ARFIP1: variants seen among roughly 807,000 people sequenced by gnomAD.
ARFIP1 encodes the protein arfaptin-1.
In ARFIP1, 24 loss-of-function variants were observed where a neutral mutation model predicts 42.5. The ratio of observed to expected loss-of-function variants is 0.57; its 90% CI spans 0.41 to 0.80. The LOEUF (loss-of-function observed/expected upper bound fraction) is 0.80. Among genes scored for constraint, ARFIP1 ranks in the 30% least tolerant of loss-of-function variants. The pLI is 0.00. For missense variants in ARFIP1, 354 were observed against 434.0 expected (o/e 0.82, Z 1.64); for synonymous variants, 141 against 153.7 (o/e 0.92, Z 0.61).
chr4:152,863,924 A>G (rs1257726455), intron 3 of ARFIP1, among the ~76,000 whole-genome samples: 1 of 152,236 alleles, frequency 6.6e-6, no homozygotes, highest in Non-Finnish European at 1.5e-5. Flanking sequence ...ACATGATATC[A>G]CTGGTTATTA....
At chr4:152,876,817 G>A (rs113764936) in intron 5 of ARFIP1, among the ~76,000 whole-genome samples, 110 of 152,312 alleles carry the variant, frequency 7.2e-4, no homozygotes, top group African/African-American at 2.3e-3. Flanking sequence ...TGTCCTAGCC[G>A]CTCCAGCCAT....
At chr4:152,823,313 C>G (rs2149840987) in intron 1 of ARFIP1, among the ~76,000 whole-genome samples, 1 of 132,364 alleles carries the variant, frequency 7.6e-6, no homozygotes, top group East Asian at 2.4e-4. Flanking sequence ...AGATACATTC[C>G]TGGAATCATA....
chr4:152,793,343 A>T (rs1267707115), intron 1 of ARFIP1, among the ~76,000 whole-genome samples: 1 of 146,338 alleles, frequency 6.8e-6, no homozygotes, highest in African/African-American at 2.5e-5. Context: ...TATATATATA[A>T]TATATATATA....
intron 1 of ARFIP1, among the ~76,000 whole-genome samples, 193 bp downstream of exon 1, chr4:152,780,419 AGT>A (rs995048495): frequency 3.9e-5 from 6 of 152,078 alleles, no homozygotes; most frequent in African/African-American, 1.4e-4. Context: ...TGTCCCTCTG[AGT>A]GTGCCCCCGA....
chr4:152,900,294 G>A (rs1252392922), intron 8 of ARFIP1, among the ~76,000 whole-genome samples: 3 of 152,090 alleles, frequency 2.0e-5, no homozygotes, highest in South Asian at 2.1e-4. Flanking sequence ...GTAATTATTC[G>A]ATAAAGAATT....
At chr4:152,872,040 G>A (rs995797349) in intron 4 of ARFIP1, among the ~76,000 whole-genome samples, 1 of 152,094 alleles carries the variant, frequency 6.6e-6, no homozygotes, top group Non-Finnish European at 1.5e-5. Context: ...ACATTACAGT[G>A]AAAGATCACT....
intron 3 of ARFIP1, among the ~76,000 whole-genome samples, chr4:152,866,443 G>A (rs893495159): frequency 6.6e-6 from 1 of 152,002 alleles, no homozygotes; most frequent in Non-Finnish European, 1.5e-5. Flanking sequence ...CAGTAGGGGC[G>A]GCCGGGCAGA....
chr4:152,813,318 G>C (rs981454625), intron 1 of ARFIP1, among the ~76,000 whole-genome samples: 1 of 152,078 alleles, frequency 6.6e-6, no homozygotes, highest in Non-Finnish European at 1.5e-5. Context: ...GTGGGCTGGG[G>C]GGTCCTGGAA....
chr4:152,796,429 T>G, intron 1 of ARFIP1: 1 of 742,234 alleles, frequency 1.3e-6, no homozygotes, highest in Non-Finnish European at 2.5e-6. Context: ...TTCTCTTTCC[T>G]GTTTGAATAA....
At chr4:152,873,715 T>C (rs1378343032) in intron 5 of ARFIP1, among the ~76,000 whole-genome samples, 1 of 152,218 alleles carries the variant, frequency 6.6e-6, no homozygotes, top group Non-Finnish European at 1.5e-5. Context: ...ATAGTTCATA[T>C]TTATTACTCT....
rs369693000 is a variant in ARFIP1, at chr4:152,877,479, G to C, written c.412-3484G>C. 7.6e-4 allele frequency among the ~76,000 whole-genome samples: 115 copies of C among 152,204 alleles called. 3 individuals carry two copies. In the South Asian group the frequency reaches 0.022, roughly 29 times the overall value. On this transcript the variant is annotated intron_variant, in intron 5 of 8. Transcript: ENST00000353617. ...CCCCATTGTATCTAGGAAGTAACTA[G>C]CTTGCTTTTGATTTTTACAGACTCA...
chr4:152,886,094 A>G (rs1011001333), intron 7 of ARFIP1, among the ~76,000 whole-genome samples: 6 of 151,922 alleles, frequency 3.9e-5, no homozygotes, highest in East Asian at 1.9e-4. Flanking sequence ...TTGCCTCCTA[A>G]ATCTTTTGTA....
At chr4:152,817,839 C>T (rs768847771) in intron 1 of ARFIP1, among the ~76,000 whole-genome samples, 1 of 152,140 alleles carries the variant, frequency 6.6e-6, no homozygotes, top group Non-Finnish European at 1.5e-5. Flanking sequence ...ATGTAGCCAA[C>T]AAGCATATGA....
At chr4:152,840,713 CTTTT>C (rs764318893) in intron 2 of ARFIP1, among the ~76,000 whole-genome samples, 1 of 107,778 alleles carries the variant, frequency 9.3e-6, no homozygotes, top group African/African-American at 3.4e-5. Context: ...GGCTCTGTAT[CTTTT>C]TTTTTTTTTT....
chr4:152,782,226 GTGTGTGTGTGTGTGT>G (rs1561091370), intron 1 of ARFIP1, among the ~76,000 whole-genome samples: 11 of 32,612 alleles, frequency 3.4e-4, no homozygotes, highest in Non-Finnish European at 7.2e-4. Flanking sequence ...AGGTAGGGGT[GTGTGTGTGTGTGTGT>G]GTGTGTGTGT....
At chr4:152,781,109 TCA>T (rs892459875) in intron 1 of ARFIP1, among the ~76,000 whole-genome samples, 1 of 152,240 alleles carries the variant, frequency 6.6e-6, no homozygotes. Flanking sequence ...TTTCATACTT[TCA>T]CCTGTAAGGG....
intron 2 of ARFIP1, among the ~76,000 whole-genome samples, chr4:152,848,910 A>G (rs1732769313): frequency 6.6e-6 from 1 of 152,180 alleles, no homozygotes; most frequent in African/African-American, 2.4e-5. Flanking sequence ...ACACATAAAA[A>G]ATGTAGTAGC....
intron 1 of ARFIP1, among the ~76,000 whole-genome samples, chr4:152,829,058 C>T (rs1462708120): frequency 6.6e-6 from 1 of 152,184 alleles, no homozygotes; most frequent in Non-Finnish European, 1.5e-5. Flanking sequence ...TTCTGGGCTC[C>T]CTGTTCCACT....
At chr4:152,821,008 C>CA (rs1332436850) in intron 1 of ARFIP1, among the ~76,000 whole-genome samples, 1 of 151,878 alleles carries the variant, frequency 6.6e-6, no homozygotes, top group African/African-American at 2.4e-5. Context: ...AAAATAAATT[C>CA]AAAAAATAGT....
Sources: allele counts gnomAD v4.1 joint callset (sites outside exome capture counted in the v4.1 genomes callset), GRCh38; gene constraint gnomAD v4.1.1; transcripts MANE v1.5; gene names NCBI Gene and HGNC (gene_info 2026-07-23, HGNC 2026-07-21).